The following BIN3 variants were observed in gnomAD, a reference collection of about 807,000 sequenced individuals.
The protein encoded by BIN3 is bridging integrator 3.
A neutral mutation model predicts 38.2 loss-of-function variants in BIN3; 41 were observed. The ratio of observed to expected loss-of-function variants is 1.07; its 90% confidence interval spans 0.84 to 1.39. The LOEUF is 1.39. Among genes scored for constraint, BIN3 ranks in the 40% most tolerant of loss-of-function variants. The pLI is 0.00. For synonymous variants in BIN3, 145 were observed against 122.6 expected (o/e 1.18, Z -1.21); for missense variants, 361 against 324.3 (o/e 1.11, Z -0.87).
Position 22,621,520 on chromosome 8 carries a change from G to C in BIN3, c.664C>G (p.Gln222Glu). 6.2e-7 allele frequency: 1 copy of C among 1,613,852 alleles called. No individual in the cohort carries two copies. Among genetic ancestry groups the C allele is most frequent in the Non-Finnish European group, 8.5e-7 (1 of 1,179,884 alleles). Residue 222 changes from glutamine to glutamate, a missense_variant, in exon 9 of 9, where the codon CAG becomes GAG. Coordinates refer to ENST00000276416, the MANE Select transcript of BIN3 (RefSeq NM_018688.6). ...MHKIFGDLSHQLDQPGHSDEQ... is the reference protein window; with the variant it reads ...MHKIFGDLSHELDQPGHSDEQ... The stretch of plus-strand genomic sequence containing the variant: ...TCGGAGTGGCCTGGCTGGTCAAGCT[G>C]ATGGGACAGGTCTCCAAAGATCTTG...
chr8:22,632,173 T>G (rs1444158394), intron 4 of BIN3, among the ~76,000 whole-genome samples: 1 of 152,164 alleles, frequency 6.6e-6, no homozygotes, highest in Non-Finnish European at 1.5e-5. Flanking sequence ...ACATTAACTG[T>G]GGAAAAAGTG....
At chr8:22,657,370 C>CA (rs1163413022) in intron 1 of BIN3, among the ~76,000 whole-genome samples, 1 of 152,188 alleles carries the variant, frequency 6.6e-6, no homozygotes, top group African/African-American at 2.4e-5. Context: ...AAAACACAAA[C>CA]AAAAAACCCC....
At chr8:22,641,812 C>T (rs557945323) in intron 2 of BIN3, among the ~76,000 whole-genome samples, 3 of 152,182 alleles carry the variant, frequency 2.0e-5, no homozygotes, top group East Asian at 1.9e-4. Flanking sequence ...CAGGGGGACA[C>T]GAAGAGCAAA....
At chr8:22,625,252 T>G (rs1801967465) in intron 6 of BIN3, 1 of 698,690 alleles carries the variant, frequency 1.4e-6, no homozygotes, top group Non-Finnish European at 2.6e-6. Context: ...CCTGAGGCTC[T>G]CGCTGCTGCT....
chr8:22,649,853 ACACACC>A (rs747362062), intron 1 of BIN3, among the ~76,000 whole-genome samples: 3,982 of 143,248 alleles, frequency 0.028, 81 homozygotes, highest in African/African-American at 0.057. Flanking sequence ...ACACACACAC[ACACACC>A]CCCAAAGGAA....
intron 1 of BIN3, among the ~76,000 whole-genome samples, chr8:22,653,868 T>C (rs1429781993): frequency 7.2e-6 from 1 of 138,170 alleles, no homozygotes; most frequent in Non-Finnish European, 1.5e-5. Flanking sequence ...TTGTGTCCCC[T>C]GGTACAGAAT....
intron 1 of BIN3, among the ~76,000 whole-genome samples, chr8:22,660,606 C>T (rs758987392): frequency 1.8e-4 from 28 of 152,168 alleles, no homozygotes; most frequent in Non-Finnish European, 3.4e-4. Flanking sequence ...GTCCCCATCC[C>T]GTGGGGCAGG....
intron 1 of BIN3, among the ~76,000 whole-genome samples, chr8:22,662,903 A>G (rs1803281714): frequency 6.6e-6 from 1 of 152,206 alleles, no homozygotes; most frequent in African/African-American, 2.4e-5. Flanking sequence ...TTGGGAGGCC[A>G]AGACGGGTGG....
intron 1 of BIN3, among the ~76,000 whole-genome samples, chr8:22,655,499 A>C (rs1268413438): frequency 6.6e-6 from 1 of 152,230 alleles, no homozygotes; most frequent in Non-Finnish European, 1.5e-5. Context: ...GCAAGTGGCT[A>C]TCCATTTGTC....
At chr8:22,658,906 G>A (rs754276973) in intron 1 of BIN3, among the ~76,000 whole-genome samples, 9 of 152,190 alleles carry the variant, frequency 5.9e-5, no homozygotes, top group Non-Finnish European at 1.0e-4. Context: ...TCACTGTCTC[G>A]GCAAGAGCAG....
intron 4 of BIN3, among the ~76,000 whole-genome samples, chr8:22,635,080 C>T (rs905500703): frequency 5.9e-5 from 9 of 152,190 alleles, no homozygotes; most frequent in African/African-American, 2.2e-4. Context: ...GGTCAGCGTG[C>T]ACCACCTTAG....
Position 22,636,940 on chromosome 8 carries a change from TC to T in BIN3, c.79del (p.Glu27SerfsTer19), listed in dbSNP as rs1802386130. The T allele has an allele frequency of 1.2e-6, 2 of 1,613,094 alleles. No individual in the cohort carries two copies. The highest frequency in any genetic ancestry group is 2.2e-5 in the East Asian group (1 of 44,856). On this transcript the variant is annotated frameshift_variant, in exon 3 of 9. Coordinates refer to ENST00000276416, the MANE Select transcript of BIN3 (RefSeq NM_018688.6). LOFTEE classifies it high-confidence loss of function. The part of the protein sequence containing the change: ...PKTVERDFER[E>X]YGKLQQLEEQ... The stretch of plus-strand genomic sequence containing the variant: ...CACTCACTGCTGAAGTTTTCCATAC[TC>T]CCTTTCAAAGTCTCTCTCCACCTGA...
intron 2 of BIN3, among the ~76,000 whole-genome samples, chr8:22,643,857 G>A (rs1272687568): frequency 1.3e-5 from 2 of 152,228 alleles, no homozygotes; most frequent in African/African-American, 4.8e-5. Context: ...TCACATCAGA[G>A]AGGCTCTACA....
At chr8:22,630,723 A>C (rs1802167053) in intron 4 of BIN3, 145 bp from the exon 5 acceptor site, 3 of 828,188 alleles carry the variant, frequency 3.6e-6, no homozygotes, top group African/African-American at 1.7e-5. Context: ...GCGAAGTACC[A>C]CACAACCACA....
intron 2 of BIN3, among the ~76,000 whole-genome samples, chr8:22,641,001 C>T (rs972999004): frequency 2.6e-5 from 4 of 152,134 alleles, no homozygotes; most frequent in East Asian, 1.9e-4. Flanking sequence ...CTCACTGGTC[C>T]GAGAGTTCTC....
Position 22,624,206 on chromosome 8 carries a change from C to G in BIN3, c.480+16G>C. ...GCCCACCTGTCTAGCCCCTGCCCACCTGTCTCCCCTGGTACCTGGTGGAGC... is the reference window on the plus strand; with the variant it reads ...GCCCACCTGTCTAGCCCCTGCCCACGTGTCTCCCCTGGTACCTGGTGGAGC... On this transcript the variant is annotated intron_variant, in intron 7 of 8. Coordinates refer to ENST00000276416, the MANE Select transcript of BIN3 (RefSeq NM_018688.6). 1 of 1,611,196 alleles carries G rather than the reference C, an allele frequency of 6.2e-7. No homozygotes were observed. Among genetic ancestry groups the G allele is most frequent in the South Asian group, 1.1e-5 (1 of 90,584 alleles).
At chr8:22,642,270 G>A (rs896076538) in intron 2 of BIN3, among the ~76,000 whole-genome samples, 2 of 148,612 alleles carry the variant, frequency 1.3e-5, no homozygotes, top group Middle Eastern at 3.4e-3. Context: ...GTGCGTCACT[G>A]CTGTTCAAGG....
rs180986552 is a variant in BIN3 at position 22,630,703 on chromosome 8, G to T, written c.161-125C>A. On this transcript the variant is annotated intron_variant, in intron 4 of 8. Coordinates refer to ENST00000276416, the MANE Select transcript of BIN3 (RefSeq NM_018688.6). The stretch of plus-strand genomic sequence containing the variant: ...AAGACCTCTTCCCACAGCCACGGCC[G>T]TCAAGAACGGCGAAGTACCACACAA... 8.2e-6 allele frequency: 9 copies of T among 1,101,616 alleles called. No homozygotes were observed. In the African/African-American group the frequency reaches 1.4e-4, roughly 17 times the overall value. 68.2% of individuals were successfully genotyped at this position (1,101,616 alleles called of 1,614,324 possible).
chr8:22,632,317 C>G (rs1467320277), intron 4 of BIN3, among the ~76,000 whole-genome samples: 1 of 152,212 alleles, frequency 6.6e-6, no homozygotes, highest in African/African-American at 2.4e-5. Flanking sequence ...GGCCCCTTCA[C>G]CAGTCAGCAA....
Sources: allele counts gnomAD v4.1 joint callset (sites outside exome capture counted in the v4.1 genomes callset), GRCh38; gene constraint gnomAD v4.1.1; transcripts MANE v1.5; gene names NCBI Gene and HGNC (gene_info 2026-07-23, HGNC 2026-07-21).